Variants in RUFY2 observed in about 807,000 individuals in gnomAD.
RUFY2 encodes RUN and FYVE domain-containing protein 2.
A neutral mutation model predicts 94.4 loss-of-function variants in RUFY2; 49 were observed. The ratio of observed to expected loss-of-function variants is 0.52; its 90% CI spans 0.41 to 0.66. The LOEUF (loss-of-function observed/expected upper bound fraction) is 0.66, where lower values mean the gene tolerates loss of function less well. Among genes scored for constraint, RUFY2 ranks in the 30% least tolerant of loss-of-function variants. The pLI is 0.00. For synonymous variants in RUFY2, 255 were observed against 235.7 expected (o/e 1.08, Z -0.75); for missense variants, 541 against 692.8 (o/e 0.78, Z 2.46).
chr10:68,393,003 T>C, intron 7 of RUFY2, 135 bp downstream of exon 7: 1 of 424,612 alleles, frequency 2.4e-6, no homozygotes, highest in Non-Finnish European at 4.2e-6. Context: ...TCTGTATTCT[T>C]ACTTTCCATT....
chr10:68,378,730 G>A, intron 12 of RUFY2: 1 of 1,237,146 alleles, frequency 8.1e-7, no homozygotes, highest in Non-Finnish European at 1.1e-6. Flanking sequence ...TGTCCAAAAT[G>A]TAAAAATGGG....
At chr10:68,394,921 G>A (rs7078731) in intron 4 of RUFY2, among the ~76,000 whole-genome samples, 2 of 151,758 alleles carry the variant, frequency 1.3e-5, no homozygotes, top group East Asian at 1.9e-4. Context: ...GAGCCACCGC[G>A]CCTAGCCAAC....
chr10:68,406,616 C>A, intron 1 of RUFY2: 2 of 825,224 alleles, frequency 2.4e-6, no homozygotes, highest in South Asian at 4.0e-5. Flanking sequence ...CGGCCGCAGG[C>A]GCGCAAGGAG....
chr10:68,406,880 TCCCCGACCCGGGAGTGACA>T (rs758810866), intron 1 of RUFY2: 1 of 1,598,424 alleles, frequency 6.3e-7, no homozygotes, highest in Non-Finnish European at 8.5e-7. Context: ...CCCCGCCTGC[TCCCCGACCCGGGAGTGACA>T]CCCTGCCTGG....
intron 16 of RUFY2, among the ~76,000 whole-genome samples, chr10:68,354,809 T>C (rs996953621): frequency 6.6e-6 from 1 of 151,884 alleles, no homozygotes; most frequent in Non-Finnish European, 1.5e-5. Flanking sequence ...CATGCCATAC[T>C]TTGTAGGGAA....
intron 15 of RUFY2, among the ~76,000 whole-genome samples, chr10:68,358,844 G>C (rs1375558059): frequency 6.6e-6 from 1 of 151,954 alleles, no homozygotes. Flanking sequence ...CCAGGAGGCA[G>C]ATGTTGCAGT....
At chr10:68,341,828 C>T (rs763593129), downstream of RUFY2, 2 of 1,610,922 alleles carry the variant, frequency 1.2e-6, no homozygotes, top group Non-Finnish European at 8.5e-7. Flanking sequence ...GGATATGGTA[C>T]TCCTGATGGT....
At chr10:68,366,801 T>TA (rs201630269) in intron 13 of RUFY2, among the ~76,000 whole-genome samples, 3,751 of 15,542 alleles carry the variant, frequency 0.24, 185 homozygotes, top group African/African-American at 0.48. Flanking sequence ...ATATATAATA[T>TA]ATATAATATA....
intron 15 of RUFY2, among the ~76,000 whole-genome samples, chr10:68,362,966 A>C (rs2047555896): frequency 1.3e-5 from 2 of 152,174 alleles, no homozygotes; most frequent in African/African-American, 4.8e-5. Flanking sequence ...TCTCAAAGAC[A>C]GCTCCCCGGA....
chr10:68,352,686 T>C (rs1237363329), intron 16 of RUFY2, among the ~76,000 whole-genome samples: 1 of 152,204 alleles, frequency 6.6e-6, no homozygotes, highest in African/African-American at 2.4e-5. Flanking sequence ...ATCCCAGCAC[T>C]TTGGGAGGCC....
intron 7 of RUFY2, among the ~76,000 whole-genome samples, 181 bp from the exon 8 acceptor site, chr10:68,386,309 G>C (rs146275614): frequency 2.6e-5 from 4 of 152,230 alleles, no homozygotes; most frequent in Non-Finnish European, 5.9e-5. Context: ...GCAATAAAGA[G>C]TGTAGCAAAA....
Position 68,348,870 on chromosome 10 carries a change from G to A in RUFY2, c.1600-2786C>T, listed in dbSNP as rs7901320. The stretch of plus-strand genomic sequence containing the variant: ...AAGCTGCCTGCTCAAGGAAACAGCC[G>A]TTTACCAGAAGAGCTAAGACTAGAA... On this transcript the variant is annotated intron_variant, in intron 16 of 17. Coordinates refer to ENST00000602465, the MANE Select transcript of RUFY2 (RefSeq NM_001330103.2). Among the ~76,000 whole-genome samples, 1,178 of 152,236 alleles carry A rather than the reference G, an allele frequency of 7.7e-3. 14 individuals are homozygous for A. Among genetic ancestry groups the A allele is most frequent in the African/African-American group, 0.026 (1,095 of 41,550 alleles).
At position 68,394,362 on chromosome 10, in the gene RUFY2, T is replaced by G; in HGVS notation, c.488A>C (p.Asn163Thr). 6.2e-7 allele frequency: 1 copy of G among 1,613,906 alleles called. No homozygotes were observed. The highest frequency in any genetic ancestry group is 8.5e-7 in the Non-Finnish European group (1 of 1,179,836). ...LLVGLNVIDA[N>T]LCVKGEDLDS... is the part of the protein sequence containing the mutation. ...TAAATCCTCTCCCTTCACACACAGA[T>G]TAGCATCGATCACATTCAGGCCAAC... Residue 163 changes from asparagine (N) to threonine (T), a missense_variant, in exon 5 of 18, where the codon AAT (asparagine) becomes ACT (threonine). Physicochemically the swap from Asn to Thr is moderately conservative, Grantham distance 65. Around this residue, in one of 3 missense-constraint regions of RUFY2, gnomAD observed 85 missense variants for 153.4 expected, o/e 0.55. Coordinates refer to ENST00000602465, the MANE Select transcript of RUFY2 (RefSeq NM_001330103.2).
downstream of RUFY2, chr10:68,341,733 ATTTT>A: frequency 1.3e-6 from 2 of 1,584,856 alleles, no homozygotes; most frequent in Non-Finnish European, 1.7e-6. Flanking sequence ...ATGAGTCTCA[ATTTT>A]TTTTCTTTTT....
chr10:68,356,036 C>T (rs2047034874), intron 15 of RUFY2, among the ~76,000 whole-genome samples: 1 of 151,834 alleles, frequency 6.6e-6, no homozygotes, highest in Non-Finnish European at 1.5e-5. Flanking sequence ...ATGTAATCTA[C>T]ACAAAAACCT....
intron 15 of RUFY2, among the ~76,000 whole-genome samples, chr10:68,359,582 TAA>T (rs2132437722): frequency 1.4e-5 from 2 of 146,446 alleles, no homozygotes; most frequent in South Asian, 4.2e-4. Context: ...CTACTATATA[TAA>T]ATATACATAG....
chr10:68,384,283 A>T (rs1256441705), intron 8 of RUFY2, 131 bp from the exon 9 acceptor site: 4 of 1,211,216 alleles, frequency 3.3e-6, no homozygotes, highest in Non-Finnish European at 4.4e-6. Flanking sequence ...ACATTCACAG[A>T]AACGTTCATA....
chr10:68,361,032 C>G (rs2047427570), intron 15 of RUFY2, among the ~76,000 whole-genome samples: 2 of 152,014 alleles, frequency 1.3e-5, no homozygotes, highest in South Asian at 4.1e-4. Flanking sequence ...ACTGTAATCC[C>G]AGCACTTTGG....
intron 16 of RUFY2, chr10:68,346,531 A>G (rs562536282): frequency 1.3e-5 from 2 of 153,166 alleles, no homozygotes; most frequent in South Asian, 4.1e-4. Flanking sequence ...ATTAGAACAT[A>G]TAACATGTAA....
Sources: allele counts gnomAD v4.1 joint callset (sites outside exome capture counted in the v4.1 genomes callset), GRCh38; gene constraint gnomAD v4.1.1; regional missense constraint gnomAD v4.1.1; transcripts MANE v1.5; gene names NCBI Gene and HGNC (gene_info 2026-07-23, HGNC 2026-07-21).